Variants in SPON1 observed in about 807,000 individuals in gnomAD.
SPON1 encodes the protein spondin 1, also known as spondin-1.
A neutral mutation model predicts 111.7 loss-of-function variants in SPON1; 52 were observed. The ratio of observed to expected loss-of-function variants is 0.47; its 90% CI spans 0.37 to 0.59. The LOEUF is 0.59. Ranked by LOEUF, SPON1 falls within the 20% of genes least tolerant of loss-of-function variation. The pLI, the probability that SPON1 is intolerant of heterozygous loss-of-function variation, is 0.00. For missense variants in SPON1, 957 were observed against 1,068.5 expected (o/e 0.90, Z 1.46); for synonymous variants, 410 against 395.8 (o/e 1.04, Z -0.43).
At chr11:14,008,984 C>T (rs1848384481) in intron 2 of SPON1, among the ~76,000 whole-genome samples, 1 of 152,226 alleles carries the variant, frequency 6.6e-6, no homozygotes, top group South Asian at 2.1e-4. Flanking sequence ...TGAGTCCAGT[C>T]TGTCATCACA....
intron 6 of SPON1, among the ~76,000 whole-genome samples, chr11:14,172,666 G>A (rs1371328768): frequency 6.6e-6 from 1 of 151,880 alleles, no homozygotes; most frequent in Middle Eastern, 3.4e-3. Context: ...CTTCCTTCAG[G>A]AGCTCTTTTA....
intron 5 of SPON1, among the ~76,000 whole-genome samples, chr11:14,083,748 G>A (rs1311657958): frequency 2.0e-5 from 3 of 152,160 alleles, no homozygotes; most frequent in Non-Finnish European, 2.9e-5. Flanking sequence ...ATGAACACAA[G>A]TTTTCTAAAA....
chr11:14,150,082 A>G (rs1308198956), intron 6 of SPON1, among the ~76,000 whole-genome samples: 1 of 152,216 alleles, frequency 6.6e-6, no homozygotes, highest in Non-Finnish European at 1.5e-5. Flanking sequence ...GTGTCCATCA[A>G]CAAATCAATG....
chr11:14,022,715 T>C (rs1255517381), intron 2 of SPON1, among the ~76,000 whole-genome samples: 1 of 152,248 alleles, frequency 6.6e-6, no homozygotes, highest in Non-Finnish European at 1.5e-5. Flanking sequence ...TAAGCTTTTC[T>C]TCCCTGTTCA....
chr11:14,041,382 A>C (rs1379870886), intron 2 of SPON1, 139 bp from the exon 3 acceptor site: 2 of 1,010,552 alleles, frequency 2.0e-6, no homozygotes, highest in East Asian at 4.8e-5. Flanking sequence ...GCCAAGCACT[A>C]TTCTGGTGCC....
intron 5 of SPON1, among the ~76,000 whole-genome samples, chr11:14,129,878 G>A (rs1847507198): frequency 6.6e-6 from 1 of 152,168 alleles, no homozygotes; most frequent in Non-Finnish European, 1.5e-5. Context: ...GGCAGCAGGA[G>A]ACAGCAAGAA....
intron 5 of SPON1, chr11:14,134,936 T>C (rs1203500626): frequency 6.6e-6 from 1 of 152,400 alleles, no homozygotes; most frequent in Non-Finnish European, 1.5e-5. Context: ...CAATGCTGAA[T>C]TAGTTATGAC....
intron 3 of SPON1, among the ~76,000 whole-genome samples, chr11:14,067,952 T>A (rs1919297): frequency 6.6e-6 from 1 of 152,092 alleles, no homozygotes; most frequent in South Asian, 2.1e-4. Flanking sequence ...CTTATTCATC[T>A]TTGTATCTCT....
At chr11:14,098,574 T>C (rs1253170170) in intron 5 of SPON1, among the ~76,000 whole-genome samples, 1 of 152,134 alleles carries the variant, frequency 6.6e-6, no homozygotes, top group East Asian at 1.9e-4. Context: ...GAAGAGAAAA[T>C]TGAGTCTCAG....
chr11:14,161,193 A>ATATATATT (rs1294687355), intron 6 of SPON1, among the ~76,000 whole-genome samples: 4 of 62,388 alleles, frequency 6.4e-5, no homozygotes, highest in African/African-American at 2.2e-4. Flanking sequence ...TTATATATCT[A>ATATATATT]TATATATTTA....
At position 14,228,653 on chromosome 11, in the gene SPON1, G is replaced by A. The variant is rs1211494457; in HGVS notation, c.826-14679G>A. ...CATTAGGCTGTGTTATCTAGCCAATGCCAAAGAACTGACAGCTAAGAGCAA... is the reference window on the plus strand; with the variant it reads ...CATTAGGCTGTGTTATCTAGCCAATACCAAAGAACTGACAGCTAAGAGCAA... On this transcript the variant is annotated intron_variant, in intron 6 of 15. Coordinates refer to ENST00000576479, the MANE Select transcript of SPON1 (RefSeq NM_006108.4). This position sits in a 1 kb window ranked among gnomAD's most constrained non-coding sequence, Gnocchi z 4.2. Among the ~76,000 whole-genome samples the A allele has an allele frequency of 2.0e-5, 3 of 152,184 alleles. No individual in the cohort carries two copies. The highest frequency in any genetic ancestry group is 4.1e-4 in the South Asian group (2 of 4,826).
chr11:14,050,026 G>A (rs1848696907), intron 3 of SPON1, among the ~76,000 whole-genome samples: 2 of 135,824 alleles, frequency 1.5e-5, no homozygotes, highest in African/African-American at 5.2e-5. Context: ...CACTCAGGGT[G>A]CTTAGGCAGC....
chr11:14,054,812 A>G (rs12789451), intron 3 of SPON1, among the ~76,000 whole-genome samples: 35,754 of 152,176 alleles, frequency 0.23, 5,045 homozygotes, highest in South Asian at 0.33. Context: ...AGCAGCCAGG[A>G]TCTCCCGCTC....
chr11:14,028,121 A>T (rs1335268439), intron 2 of SPON1, among the ~76,000 whole-genome samples: 1 of 152,208 alleles, frequency 6.6e-6, no homozygotes, highest in African/African-American at 2.4e-5. Context: ...CTGAATCTGT[A>T]AAATGGGGAT....
intron 6 of SPON1, among the ~76,000 whole-genome samples, chr11:14,236,576 C>T (rs1848869985): frequency 6.6e-6 from 1 of 152,140 alleles, no homozygotes; most frequent in Non-Finnish European, 1.5e-5. Context: ...ACACAGTTGG[C>T]TTTTTAAGGC....
At chr11:13,966,700 C>G (rs1246972449) in intron 1 of SPON1, among the ~76,000 whole-genome samples, 5 of 152,198 alleles carry the variant, frequency 3.3e-5, no homozygotes, top group Admixed American at 3.3e-4. Context: ...ACACTGACCA[C>G]AGGGGTGGAC....
rs1229959242 is a variant in SPON1 at position 14,267,181 on chromosome 11, G to A, written c.*1494G>A. Reference sequence around the variant, plus strand: ...TCCTGAATATGTACTTTTAACACAAGAGAGACTATTCAATAAAAACTCACT... The same window carrying A: ...TCCTGAATATGTACTTTTAACACAAAAGAGACTATTCAATAAAAACTCACT... On this transcript the variant is annotated 3_prime_UTR_variant, in exon 16 of 16. Coordinates refer to ENST00000576479, the MANE Select transcript of SPON1 (RefSeq NM_006108.4). 1.3e-5 allele frequency: 2 copies of A among 152,108 alleles called. No homozygotes were observed. Among genetic ancestry groups the A allele is most frequent in the Non-Finnish European group, 2.9e-5 (2 of 68,024 alleles). 9.4% of individuals were successfully genotyped at this position (152,108 alleles called of 1,614,324 possible).
rs1554941673 is a variant in SPON1 at position 14,259,490 on chromosome 11, C to T, written c.1663+40C>T. Reference sequence around the variant, plus strand: ...CGGGCGGGCAGGCGGGCAAGTAGGTCGGGGAGGCAGCAGGTGCGACTCCAA... The same window carrying T: ...CGGGCGGGCAGGCGGGCAAGTAGGTTGGGGAGGCAGCAGGTGCGACTCCAA... On this transcript the variant is annotated intron_variant, in intron 12 of 15. Coordinates refer to ENST00000576479, the MANE Select transcript of SPON1 (RefSeq NM_006108.4). The surrounding 1 kb of genome is among the most constrained non-coding windows in gnomAD (Gnocchi z 5.0). 6.3e-7 allele frequency: 1 copy of T among 1,580,144 alleles called. No individual in the cohort carries two copies. Among genetic ancestry groups the T allele is most frequent in the Middle Eastern group, 1.7e-4 (1 of 6,016 alleles).
chr11:14,168,874 G>A (rs1219776337), intron 6 of SPON1, among the ~76,000 whole-genome samples: 2 of 152,150 alleles, frequency 1.3e-5, no homozygotes, highest in Non-Finnish European at 2.9e-5. Context: ...GTGTATATAT[G>A]CCACATTTTC....
Sources: allele counts gnomAD v4.1 joint callset (sites outside exome capture counted in the v4.1 genomes callset), GRCh38; gene constraint gnomAD v4.1.1; non-coding constraint Gnocchi (gnomAD v3.1); transcripts MANE v1.5; gene names NCBI Gene and HGNC (gene_info 2026-07-23, HGNC 2026-07-21).